RBM6: variants seen among roughly 807,000 people sequenced by gnomAD.
RBM6 encodes the protein RNA binding motif protein 6.
RBM6 carries 23 observed loss-of-function variants against 140.4 expected under a neutral mutation model. The observed-to-expected ratio is 0.16, with a 90% CI of 0.12 to 0.23. The LOEUF is 0.23. RBM6 is among the 10% of genes least tolerant of loss of function. The pLI is 1.00. For missense variants in RBM6, 1,139 were observed against 1,386.7 expected, an observed-to-expected ratio of 0.82 and a Z score of 2.84; for synonymous variants, 439 against 475.6, an observed-to-expected ratio of 0.92 and a Z score of 1.00.
At chr3:49,965,300 T>G (rs1183287082) in intron 2 of RBM6, among the ~76,000 whole-genome samples, 3 of 152,338 alleles carry the variant, frequency 2.0e-5, no homozygotes, top group Non-Finnish European at 4.4e-5. Flanking sequence ...CAAGAAAGAC[T>G]TGAATGATTT....
chr3:50,049,410 G>A (rs1441740868), intron 7 of RBM6, among the ~76,000 whole-genome samples: 2 of 151,952 alleles, frequency 1.3e-5, no homozygotes, highest in African/African-American at 2.4e-5. Context: ...GCACCCAGCC[G>A]GCTATACTCT....
intron 5 of RBM6, among the ~76,000 whole-genome samples, chr3:49,987,790 C>T (rs1400060693): frequency 6.6e-6 from 1 of 152,126 alleles, no homozygotes; most frequent in Non-Finnish European, 1.5e-5. Flanking sequence ...AGCCGCCTGC[C>T]ACTATGCCCA....
At chr3:50,048,174 C>T in intron 6 of RBM6, 71 bp from the exon 7 acceptor site, 1 of 1,576,204 alleles carries the variant, frequency 6.3e-7, no homozygotes, top group Non-Finnish European at 8.6e-7. Context: ...TGGAAAGGCT[C>T]TCTGTGCCTT....
chr3:49,947,962 T>TG (rs1382800989), intron 1 of RBM6, among the ~76,000 whole-genome samples: 1 of 152,170 alleles, frequency 6.6e-6, no homozygotes, highest in Non-Finnish European at 1.5e-5. Context: ...GGCATGGTGG[T>TG]GCCTGGCTGT....
At position 50,061,989 on chromosome 3, in the gene RBM6, G is replaced by A; in HGVS notation, c.2467G>A (p.Gly823Arg). 1 of 1,613,764 alleles carries A rather than the reference G, an allele frequency of 6.2e-7. No homozygotes were observed. Among genetic ancestry groups the A allele is most frequent in the Non-Finnish European group, 8.5e-7 (1 of 1,179,922 alleles). ...AGAAGTCTATGTGCCCCAGGATCCTGGATTACCTGAGGAAGAAGAGATCAA... is the reference window on the plus strand; with the variant it reads ...AGAAGTCTATGTGCCCCAGGATCCTAGATTACCTGAGGAAGAAGAGATCAA... ...QQEVYVPQDP[G>R]LPEEEEIKEK... The change falls in exon 15 of 21, where the codon GGA (glycine) becomes AGA (arginine). Residue 823 changes from glycine (G) to arginine (R), a missense_variant. Coordinates refer to ENST00000266022, the MANE Select transcript of RBM6 (RefSeq NM_005777.3).
At position 49,967,754 on chromosome 3, in the gene RBM6, C is replaced by T. The variant is rs2084570887; in HGVS notation, c.329C>T (p.Ser110Leu). 6.2e-7 allele frequency: 1 copy of T among 1,614,066 alleles called. No homozygotes were observed. Among genetic ancestry groups the T allele is most frequent in the Non-Finnish European group, 8.5e-7 (1 of 1,180,024 alleles). The part of the protein sequence containing the change: ...FSSSDFQSRD[S>L]SQLDFRGRDI... ...TCTTCTGATTTCCAGAGCAGAGATT[C>T]ATCACAGTTGGACTTCAGGGGTAGG... The change falls in exon 3 of 21, where the codon TCA becomes TTA. Residue 110 changes from serine (S) to leucine (L), a missense_variant. By Grantham distance (145) the Ser-to-Leu change is moderately radical (BLOSUM62 -2). Coordinates refer to ENST00000266022, the MANE Select transcript of RBM6 (RefSeq NM_005777.3). This position sits in a 1 kb window ranked among gnomAD's most constrained non-coding sequence, Gnocchi z 4.0.
chr3:50,007,749 G>T (rs1480519052), intron 6 of RBM6, among the ~76,000 whole-genome samples: 1 of 151,726 alleles, frequency 6.6e-6, no homozygotes, highest in African/African-American at 2.4e-5. Context: ...TAGCCAGGAT[G>T]GTCTCGATCT....
chr3:49,988,173 C>G (rs1575620655), intron 5 of RBM6, among the ~76,000 whole-genome samples: 1 of 152,228 alleles, frequency 6.6e-6, no homozygotes, highest in East Asian at 1.9e-4. Flanking sequence ...GAGACAGGGT[C>G]TTACTCTGTT....
chr3:49,958,416 CA>C (rs965018296), intron 1 of RBM6, among the ~76,000 whole-genome samples: 1 of 151,914 alleles, frequency 6.6e-6, no homozygotes, highest in East Asian at 1.9e-4. Flanking sequence ...CAAAACAAAA[CA>C]AAAAAAACTA....
intron 6 of RBM6, among the ~76,000 whole-genome samples, chr3:50,045,639 G>A (rs551207046): frequency 5.9e-5 from 9 of 152,162 alleles, no homozygotes; most frequent in Non-Finnish European, 8.8e-5. Flanking sequence ...ATTAAAATGG[G>A]TGGTGGAATA....
At chr3:50,002,281 A>C (rs1575658163) in intron 6 of RBM6, among the ~76,000 whole-genome samples, 1 of 133,246 alleles carries the variant, frequency 7.5e-6, no homozygotes, top group South Asian at 2.4e-4. Context: ...TTTTTTTTTG[A>C]GATGGAGTCT....
Position 49,968,258 on chromosome 3 carries a change from T to C in RBM6, c.833T>C (p.Met278Thr), listed in dbSNP as rs754358769. Residue 278 changes from methionine (M) to threonine (T), a missense_variant, in exon 3 of 21, where the codon ATG becomes ACG. Coordinates refer to ENST00000266022, the MANE Select transcript of RBM6 (RefSeq NM_005777.3). ...AGGGGCAGAGAGATGGGATCTTGTA[T>C]GGAATTTAAAGATAGGGAGATGCCC... Reference protein sequence around the residue: ...DFRGREMGSCMEFKDREMPPV... With the variant: ...DFRGREMGSCTEFKDREMPPV... 11 of 1,614,056 alleles carry C rather than the reference T, an allele frequency of 6.8e-6. No individual in the cohort carries two copies. The South Asian group carries it at 1.2e-4, about 18-fold the overall frequency.
intron 15 of RBM6, among the ~76,000 whole-genome samples, 173 bp from the exon 16 acceptor site, chr3:50,064,858 G>C (rs1265242988): frequency 6.6e-6 from 1 of 152,162 alleles, no homozygotes; most frequent in Non-Finnish European, 1.5e-5. Flanking sequence ...ATTTTTAGTA[G>C]AGATGGAGTT....
intron 6 of RBM6, among the ~76,000 whole-genome samples, chr3:50,017,678 C>A (rs971331338): frequency 5.3e-5 from 8 of 152,014 alleles, no homozygotes; most frequent in African/African-American, 1.9e-4. Context: ...TGGATATTAG[C>A]CCTTTATCAG....
chr3:50,063,960 C>T (rs2090032029), intron 15 of RBM6, among the ~76,000 whole-genome samples: 3 of 151,958 alleles, frequency 2.0e-5, no homozygotes, highest in Admixed American at 2.0e-4. Flanking sequence ...GAGACGGAGC[C>T]GCTCTGTCGC....
chr3:50,057,674 T>TC lies in RBM6; in HGVS notation c.1694-54_1694-53insC, dbSNP rs2089764471. On this transcript the variant is annotated intron_variant, in intron 8 of 20. Coordinates refer to ENST00000266022, the MANE Select transcript of RBM6 (RefSeq NM_005777.3). ...ATTACAGTAGCAGTGTTTTTTCTTT[T>TC]TTTTTTTTTTTGATAAAGCTTTCTA... 4 of 1,430,742 alleles carry TC rather than the reference T, an allele frequency of 2.8e-6. No homozygotes were observed. The South Asian group carries it at 5.7e-5, about 20-fold the overall frequency. The allele number at this position is 1,430,742 out of a possible 1,614,324, so 88.6% of individuals were successfully genotyped here.
rs958981800 is a variant in RBM6, at chr3:49,954,541, A to G, written c.-66-8035A>G. 5.3e-5 allele frequency among the ~76,000 whole-genome samples: 8 copies of G among 151,576 alleles called. 1 individual carries two copies. The highest frequency in any genetic ancestry group is 4.6e-4 in the Admixed American group (7 of 15,198). On this transcript the variant is annotated intron_variant, in intron 1 of 20. Transcript: ENST00000266022. ...AGCCATCCTTCTGCCTCAGCCTCCC[A>G]AAGTATTGGAATTACAGGTGTGAGC...
chr3:49,980,940 TC>T lies in RBM6; in HGVS notation c.1483+5549del, dbSNP rs1175956631. Among the ~76,000 whole-genome samples, 3 of 151,870 alleles carry T rather than the reference TC, an allele frequency of 2.0e-5. No individual in the cohort carries two copies. In the East Asian group the frequency reaches 5.8e-4, roughly 29 times the overall value. On this transcript the variant is annotated intron_variant, in intron 5 of 20. Coordinates refer to ENST00000266022, the MANE Select transcript of RBM6 (RefSeq NM_005777.3). ...TTTTTTGAGACGGAGTCTTGCACTG[TC>T]ACCAGTGCTGGAGTGCAGTGGCGCG...
At chr3:50,023,429 C>T (rs989752968) in intron 6 of RBM6, among the ~76,000 whole-genome samples, 3 of 152,006 alleles carry the variant, frequency 2.0e-5, no homozygotes, top group Admixed American at 2.0e-4. Context: ...TTTCAGCATC[C>T]CAAGTAGCTG....
Sources: allele counts gnomAD v4.1 joint callset (sites outside exome capture counted in the v4.1 genomes callset), GRCh38; gene constraint gnomAD v4.1.1; non-coding constraint Gnocchi (gnomAD v3.1); transcripts MANE v1.5; gene names NCBI Gene and HGNC (gene_info 2026-07-23, HGNC 2026-07-21).